Variants in CHD1 observed in about 807,000 individuals in gnomAD.
CHD1 encodes ATP-dependent chromatin remodeler CHD1.
CHD1 carries 36 observed loss-of-function variants against 224.2 expected under a neutral mutation model. The ratio of observed to expected loss-of-function variants is 0.16; its 90% confidence interval spans 0.12 to 0.21. The LOEUF (loss-of-function observed/expected upper bound fraction) is 0.21. Ranked by LOEUF, CHD1 falls within the 10% of genes least tolerant of loss-of-function variation. The pLI, the probability that CHD1 is intolerant of heterozygous loss-of-function variation, is 1.00. For synonymous variants in CHD1, 668 were observed against 658.3 expected, an observed-to-expected ratio of 1.01 and a Z score of -0.23; for missense variants, 1,378 against 1,994.8, an observed-to-expected ratio of 0.69 and a Z score of 5.89.
chr5:98,908,075 T>A lies in CHD1; in HGVS notation c.54-2977A>T, dbSNP rs896494052. On this transcript the variant is annotated intron_variant, in intron 2 of 35. Transcript: ENST00000614616. ...CCTTTCTTTTTTGTCTTCTGTTCTA[T>A]AACAAAGTTCAACAAACATCTATGA... is the stretch of plus-strand genomic sequence containing the variant. Among the ~76,000 whole-genome samples the A allele has an allele frequency of 5.9e-5, 9 of 152,300 alleles. No homozygotes were observed. In the East Asian group the frequency reaches 1.7e-3, roughly 29 times the overall value.
At chr5:98,925,782 T>C (rs563949301) in intron 2 of CHD1, among the ~76,000 whole-genome samples, 2 of 151,926 alleles carry the variant, frequency 1.3e-5, no homozygotes, top group South Asian at 2.1e-4. Context: ...TCTCCAGTGA[T>C]AGAATGTTTT....
rs535373979 is a variant in CHD1 at position 98,856,876 on chromosome 5, C to CTGGATAT, written c.4788-152_4788-151insATATCCA. 986 of 604,696 alleles carry CTGGATAT rather than the reference C, an allele frequency of 1.6e-3. 11 individuals carry two copies. Among genetic ancestry groups the CTGGATAT allele is most frequent in the African/African-American group, 0.016 (857 of 54,046 alleles). The allele number at this position is 604,696 out of a possible 1,614,324, so 37.5% of individuals were successfully genotyped here. ...CATTATAAAACTTACTTAATTAACTCAAAAATCACTGGATATATCTCTTTG... is the reference window on the plus strand; with the variant it reads ...CATTATAAAACTTACTTAATTAACTCTGGATATAAAAATCACTGGATATATCTCTTTG... On this transcript the variant is annotated intron_variant, in intron 35 of 35. Coordinates refer to ENST00000614616, the MANE Select transcript of CHD1 (RefSeq NM_001270.4).
rs192178019 is a variant in CHD1, at chr5:98,863,789, G to T, written c.4249-203C>A. 2.7e-3 allele frequency among the ~76,000 whole-genome samples: 406 copies of T among 152,084 alleles called. 2 individuals are homozygous for T. The highest frequency in any genetic ancestry group is 4.1e-3 in the Non-Finnish European group (281 of 67,954). ...TTTCTTCAGGAGAGCAAGCCTTTCT[G>T]TTATCATTTAAAATCAGTCTTTGAG... On this transcript the variant is annotated intron_variant, in intron 31 of 35. Transcript: ENST00000614616.
intron 2 of CHD1, among the ~76,000 whole-genome samples, chr5:98,914,856 T>C (rs1000744225): frequency 6.7e-6 from 1 of 150,302 alleles, no homozygotes; most frequent in Non-Finnish European, 1.5e-5. Flanking sequence ...TAATAATTCC[T>C]TCACAGTATT....
intron 2 of CHD1, among the ~76,000 whole-genome samples, chr5:98,914,441 C>G (rs1004546509): frequency 1.3e-5 from 2 of 152,034 alleles, no homozygotes; most frequent in Non-Finnish European, 2.9e-5. Context: ...TATACATACA[C>G]AATTTTAACT....
chr5:98,871,988 G>C, intron 28 of CHD1, 63 bp downstream of exon 28: 1 of 1,379,996 alleles, frequency 7.2e-7, no homozygotes, highest in Non-Finnish European at 9.7e-7. Context: ...TAATTTAAAA[G>C]CAAGAATTAG....
chr5:98,860,378 C>G (rs1365669932), intron 32 of CHD1: 1 of 334,098 alleles, frequency 3.0e-6, no homozygotes, highest in African/African-American at 2.2e-5. Flanking sequence ...GGAAGTGACT[C>G]AGATTCATAT....
At position 98,854,727 on chromosome 5, in the gene CHD1, T is replaced by A. The variant is rs962009489; in HGVS notation, c.*1653A>T. 9 of 152,046 alleles carry A rather than the reference T, an allele frequency of 5.9e-5. No individual in the cohort carries two copies. The highest frequency in any genetic ancestry group is 1.5e-5 in the Non-Finnish European group (1 of 67,978). 9.4% of individuals were successfully genotyped at this position (152,046 alleles called of 1,614,324 possible). On this transcript the variant is annotated 3_prime_UTR_variant, in exon 36 of 36. Transcript: ENST00000614616. ...AAACCTAATTGGACAAAGGAAAATA[T>A]TAAAAAATACACCTATGGACAAATA...
At chr5:98,928,315 C>T (rs1753630460) in intron 1 of CHD1, among the ~76,000 whole-genome samples, 1 of 152,056 alleles carries the variant, frequency 6.6e-6, no homozygotes, top group South Asian at 2.1e-4. Flanking sequence ...GGGGCAGGGC[C>T]GCCGGGCCGG....
chr5:98,871,405 T>G (rs1416569981), intron 28 of CHD1, among the ~76,000 whole-genome samples: 2 of 139,460 alleles, frequency 1.4e-5, no homozygotes, highest in Non-Finnish European at 3.1e-5. Context: ...AAAAAGGATT[T>G]CAGCTAGCAC....
At position 98,856,342 on chromosome 5, in the gene CHD1, T is replaced by C. The variant is rs1561470206; in HGVS notation, c.*38A>G. 6.6e-7 allele frequency: 1 copy of C among 1,513,574 alleles called. No homozygotes were observed. Among genetic ancestry groups the C allele is most frequent in the Non-Finnish European group, 9.1e-7 (1 of 1,095,416 alleles). 93.8% of individuals were successfully genotyped at this position (1,513,574 alleles called of 1,614,324 possible). On this transcript the variant is annotated 3_prime_UTR_variant, in exon 36 of 36. Transcript: ENST00000614616. ...ACTGTGTTGGTTTATGATATATGGC[T>C]AAAAGAAAAGTCCAGAAAGACGAAG...
At chr5:98,874,798 A>G (rs1444565442) in intron 25 of CHD1, among the ~76,000 whole-genome samples, 1 of 152,100 alleles carries the variant, frequency 6.6e-6, no homozygotes, top group Non-Finnish European at 1.5e-5. Context: ...TTGATGAAAA[A>G]TGAGATAAAG....
intron 25 of CHD1, among the ~76,000 whole-genome samples, chr5:98,874,341 AC>A (rs1286709337): frequency 6.6e-6 from 1 of 152,128 alleles, no homozygotes; most frequent in Non-Finnish European, 1.5e-5. Flanking sequence ...CTTCAAAAAA[AC>A]TATCTTAATT....
chr5:98,910,181 T>C (rs1460798962), intron 2 of CHD1, among the ~76,000 whole-genome samples: 2 of 152,176 alleles, frequency 1.3e-5, no homozygotes, highest in African/African-American at 4.8e-5. Context: ...AATTCAAAAC[T>C]GCAAGCTTTT....
intron 17 of CHD1, chr5:98,885,886 T>C: frequency 2.3e-6 from 1 of 433,094 alleles, no homozygotes; most frequent in Non-Finnish European, 4.1e-6. Context: ...CTATTCTGCC[T>C]GAGTCCCCAT....
At chr5:98,862,990 T>C (rs770483621) in intron 32 of CHD1, among the ~76,000 whole-genome samples, 2 of 152,186 alleles carry the variant, frequency 1.3e-5, no homozygotes, top group Non-Finnish European at 2.9e-5. Flanking sequence ...TTTTGCATTT[T>C]ACATTGCGTG....
intron 17 of CHD1, among the ~76,000 whole-genome samples, chr5:98,887,275 AAC>A (rs1315360645): frequency 6.6e-6 from 1 of 152,162 alleles, no homozygotes; most frequent in Non-Finnish European, 1.5e-5. Flanking sequence ...CCTTCTTCAC[AAC>A]ACTTACCAGA....
chr5:98,918,880 G>C (rs1249687744), intron 2 of CHD1, among the ~76,000 whole-genome samples: 1 of 151,708 alleles, frequency 6.6e-6, no homozygotes, highest in Non-Finnish European at 1.5e-5. Flanking sequence ...AGCATGCTAT[G>C]AAAACTTTCC....
Position 98,873,605 on chromosome 5 carries a change from T to C in CHD1, c.3559A>G (p.Thr1187Ala), listed in dbSNP as rs1333437889. The change falls in exon 26 of 36, where the codon ACA becomes GCA. Residue 1187 changes from threonine (T) to alanine (A), a missense_variant. Transcript: ENST00000614616. ...AGTTTAATGTTACCTGTTCGTTCTG[T>C]TCCTGAAGAACTATCCTTTAATGCT... is the stretch of plus-strand genomic sequence containing the variant. ...IKALKDSSSG[T>A]ERTGGRLGKV... The C allele has an allele frequency of 6.3e-7, 1 of 1,599,396 alleles. No individual in the cohort carries two copies. Among genetic ancestry groups the C allele is most frequent in the Admixed American group, 1.8e-5 (1 of 56,862 alleles).
Sources: gnomAD v4.1 joint callset for allele counts (sites outside exome capture counted in the v4.1 genomes callset) on GRCh38, gnomAD v4.1.1 for gene constraint, MANE v1.5 for transcripts, NCBI Gene and HGNC (gene_info 2026-07-23, HGNC 2026-07-21) for gene names.